Variants in RTRAF observed in about 807,000 individuals in gnomAD.
The protein encoded by RTRAF is tRNA-splicing ligase complex subunit RTRAF.
Under a neutral mutation model 34.4 loss-of-function variants are expected in RTRAF, and 14 were observed. The observed-to-expected ratio is 0.41, with a 90% CI of 0.27 to 0.64. RTRAF has a LOEUF of 0.64. RTRAF is among the 30% of genes least tolerant of loss of function. The pLI is 0.34. For missense variants in RTRAF, 291 were observed against 288.4 expected (o/e 1.01, Z -0.06); for synonymous variants, 96 against 95.3 (o/e 1.01, Z -0.04).
At chr14:51,997,724 A>AT (rs139530881) in intron 3 of RTRAF, among the ~76,000 whole-genome samples, 1,548 of 151,798 alleles carry the variant, frequency 0.01, 30 homozygotes, top group African/African-American at 0.036. Context: ...TGATGTATTG[A>AT]TTTTTTTGGG....
rs749705656 is a variant in RTRAF at position 51,989,688 on chromosome 14, T to C, written c.49T>C (p.Phe17Leu). The C allele has an allele frequency of 2.5e-6, 4 of 1,604,388 alleles. No individual in the cohort carries two copies. In the Admixed American group the frequency reaches 6.7e-5, roughly 27 times the overall value. Residue 17 changes from phenylalanine to leucine, a missense_variant, in exon 1 of 8, where the codon TTC becomes CTC. By Grantham distance (22) the Phe-to-Leu change is conservative (BLOSUM62 0). Coordinates refer to ENST00000261700, the MANE Select transcript of RTRAF (RefSeq NM_016039.3). ...TCTCGACTACCACAACCCCGCCGGC[T>C]TCAACTGCAAAGGTGAGGCGGCGGC... ...TALDYHNPAG[F>L]NCKDETEFRN... is the part of the protein sequence containing the mutation.
Position 52,006,059 on chromosome 14 carries a change from A to C in RTRAF, c.*1543A>C. 1.8e-6 allele frequency: 1 copy of C among 551,544 alleles called. No homozygotes were observed. Among genetic ancestry groups the C allele is most frequent in the Non-Finnish European group, 3.3e-6 (1 of 304,788 alleles). The allele number at this position is 551,544 out of a possible 1,614,324, so 34.2% of individuals were successfully genotyped here. ...GCATGTTAGAATCACATGATGAGCT[A>C]TCAAATCAGAGTTGTAGGGCATGGT... On this transcript the variant is annotated 3_prime_UTR_variant, in exon 8 of 8. Transcript: ENST00000261700.
At chr14:51,997,021 T>C (rs962231774) in intron 3 of RTRAF, among the ~76,000 whole-genome samples, 5 of 152,010 alleles carry the variant, frequency 3.3e-5, no homozygotes, top group Non-Finnish European at 7.4e-5. Flanking sequence ...AACACAGAAG[T>C]GATGTGTTCT....
intron 3 of RTRAF, among the ~76,000 whole-genome samples, chr14:51,995,562 T>G (rs1359712948): frequency 6.6e-6 from 1 of 152,166 alleles, no homozygotes; most frequent in Non-Finnish European, 1.5e-5. Flanking sequence ...GATCAGGACA[T>G]GGACATCTTG....
rs920109034 is a variant in RTRAF at position 52,006,716 on chromosome 14, G to A, written c.*2200G>A. 1.3e-6 allele frequency: 2 copies of A among 1,586,924 alleles called. No homozygotes were observed. The highest frequency in any genetic ancestry group is 1.3e-5 in the African/African-American group (1 of 74,388). On this transcript the variant is annotated 3_prime_UTR_variant, in exon 8 of 8. Transcript: ENST00000261700. ...TTCAGCTGCTTTGCCAAAAATGATA[G>A]TGACATAGTGATAGTGACACAGTGA...
rs986547098 is a variant in RTRAF at position 52,004,629 on chromosome 14, G to GGTAT, written c.*116_*119dup. The GGTAT allele has an allele frequency of 9.4e-7, 1 of 1,063,898 alleles. No individual in the cohort carries two copies. Among genetic ancestry groups the GGTAT allele is most frequent in the Admixed American group, 2.7e-5 (1 of 36,518 alleles). 65.9% of individuals were successfully genotyped at this position (1,063,898 alleles called of 1,614,324 possible). On this transcript the variant is annotated 3_prime_UTR_variant, in exon 8 of 8. Coordinates refer to ENST00000261700, the MANE Select transcript of RTRAF (RefSeq NM_016039.3). Reference sequence around the variant, plus strand: ...TCGGGGGAGGAAGCCCAGAAAATTGGGTATGTTCTAGAGATTTACCACCAT... The same window carrying GGTAT: ...TCGGGGGAGGAAGCCCAGAAAATTGGGTATGTATGTTCTAGAGATTTACCACCAT...
In RTRAF at chr14:52,010,053, G is replaced by C. The variant is rs1037709411; in HGVS notation, c.*5537G>C. On this transcript the variant is annotated 3_prime_UTR_variant, in exon 8 of 8. Transcript: ENST00000261700. The stretch of plus-strand genomic sequence containing the variant: ...CCAAATGTCAGAAAGGCAAGCCTAT[G>C]CAAAGAGTTTTTAAGAGGGCTATTA... 6.6e-6 allele frequency: 1 copy of C among 152,194 alleles called. No individual in the cohort carries two copies. The highest frequency in any genetic ancestry group is 6.5e-5 in the Admixed American group (1 of 15,274). 9.4% of individuals were successfully genotyped at this position (152,194 alleles called of 1,614,324 possible).
At chr14:52,002,450 T>C (rs1382825453) in intron 6 of RTRAF, among the ~76,000 whole-genome samples, 1 of 152,178 alleles carries the variant, frequency 6.6e-6, no homozygotes. Context: ...AGCTTGTCAG[T>C]CTGCCCAGGT....
In RTRAF at chr14:51,989,709, G is replaced by T; in HGVS notation, c.61+9G>T. On this transcript the variant is annotated intron_variant, in intron 1 of 7. Coordinates refer to ENST00000261700, the MANE Select transcript of RTRAF (RefSeq NM_016039.3). ...CGGCTTCAACTGCAAAGGTGAGGCG[G>T]CGGCCTCAGCCCGGCCGCGTGTCCC... 1 of 1,596,506 alleles carries T rather than the reference G, an allele frequency of 6.3e-7. No homozygotes were observed. The highest frequency in any genetic ancestry group is 8.5e-7 in the Non-Finnish European group (1 of 1,172,508).
At position 52,001,942 on chromosome 14, in the gene RTRAF, G is replaced by A. The variant is rs187974089; in HGVS notation, c.531+76G>A. ...ATGGCCGTGATTTTAAACTTTGCAT[G>A]TATCTGTTTAAGATATCCATTCTAC... On this transcript the variant is annotated intron_variant, in intron 6 of 7. Coordinates refer to ENST00000261700, the MANE Select transcript of RTRAF (RefSeq NM_016039.3). 2.6e-4 allele frequency: 331 copies of A among 1,249,700 alleles called. 1 individual carries two copies. The African/African-American group carries it at 4.3e-3, about 16-fold the overall frequency. The allele number at this position is 1,249,700 out of a possible 1,614,324, so 77.4% of individuals were successfully genotyped here.
At chr14:51,994,188 A>G (rs911799295) in intron 3 of RTRAF, among the ~76,000 whole-genome samples, 7 of 152,238 alleles carry the variant, frequency 4.6e-5, no homozygotes, top group East Asian at 1.9e-4. Flanking sequence ...TCTAATGCCA[A>G]TATACATTAA....
At chr14:52,002,864 GAC>G (rs1034905971) in intron 6 of RTRAF, among the ~76,000 whole-genome samples, 27 of 152,318 alleles carry the variant, frequency 1.8e-4, no homozygotes, top group African/African-American at 6.5e-4. Context: ...ATCTCTGAAA[GAC>G]ACTGTTTTCT....
At chr14:51,995,537 T>TA (rs1430599032) in intron 3 of RTRAF, among the ~76,000 whole-genome samples, 1 of 152,154 alleles carries the variant, frequency 6.6e-6, no homozygotes, top group Non-Finnish European at 1.5e-5. Context: ...AGGTAACACA[T>TA]ACACAGGTTC....
At position 52,001,871 on chromosome 14, in the gene RTRAF, G is replaced by A. The variant is rs762723183; in HGVS notation, c.531+5G>A. On this transcript the variant is annotated splice_donor_5th_base_variant and intron_variant, in intron 6 of 7. Transcript: ENST00000261700. ...AAGGCAAATCAAACAAAAGAGGTAC[G>A]TTTCTATAAATCCTAAATAAGTTGT... 9.3e-6 allele frequency: 15 copies of A among 1,605,552 alleles called. No homozygotes were observed. Among genetic ancestry groups the A allele is most frequent in the South Asian group, 2.2e-5 (2 of 89,948 alleles).
rs1890920290 is a variant in RTRAF at position 52,009,353 on chromosome 14, T to G, written c.*4837T>G. 6.6e-6 allele frequency: 1 copy of G among 152,232 alleles called. No individual in the cohort carries two copies. The highest frequency in any genetic ancestry group is 1.5e-5 in the Non-Finnish European group (1 of 68,036). 9.4% of individuals were successfully genotyped at this position (152,232 alleles called of 1,614,324 possible). On this transcript the variant is annotated 3_prime_UTR_variant, in exon 8 of 8. Transcript: ENST00000261700. ...CACACAGATATTTGGTGTAAATTATTTGGGGATTGCCAGAGGAAGAAAGTT... is the reference window on the plus strand; with the variant it reads ...CACACAGATATTTGGTGTAAATTATGTGGGGATTGCCAGAGGAAGAAAGTT...
At chr14:51,994,033 TTGAC>T (rs372827498) in intron 3 of RTRAF, among the ~76,000 whole-genome samples, 7 of 152,256 alleles carry the variant, frequency 4.6e-5, no homozygotes, top group African/African-American at 1.7e-4. Context: ...AGAAGGCTAA[TTGAC>T]TGTCTTCTCA....
intron 3 of RTRAF, among the ~76,000 whole-genome samples, chr14:51,996,358 A>G (rs1418610904): frequency 2.6e-5 from 4 of 152,134 alleles, no homozygotes; most frequent in Admixed American, 1.3e-4. Context: ...GTGGTTTTAC[A>G]TTGATATGTT....
At chr14:52,002,766 G>A (rs147884001) in intron 6 of RTRAF, among the ~76,000 whole-genome samples, 8 of 152,220 alleles carry the variant, frequency 5.3e-5, no homozygotes, top group East Asian at 1.9e-4. Flanking sequence ...TCCTCCCTGC[G>A]CCCTTCCCCC....
chr14:52,003,962 A>G, intron 6 of RTRAF: 1 of 539,814 alleles, frequency 1.9e-6, no homozygotes, highest in South Asian at 2.4e-5. Flanking sequence ...GATGAGCTAT[A>G]GAGCTTCCTG....
Sources: allele counts gnomAD v4.1 joint callset (sites outside exome capture counted in the v4.1 genomes callset), GRCh38; gene constraint gnomAD v4.1.1; transcripts MANE v1.5; gene names NCBI Gene and HGNC (gene_info 2026-07-23, HGNC 2026-07-21).